TRDN: variants seen among roughly 807,000 people sequenced by gnomAD.
TRDN encodes triadin in skeletal muscle.
In TRDN, 161 loss-of-function variants were observed where a neutral mutation model predicts 149.7. The ratio of observed to expected loss-of-function variants is 1.08; its 90% CI spans 0.95 to 1.23. The LOEUF (loss-of-function observed/expected upper bound fraction) is 1.23, where lower values mean the gene tolerates loss of function less well. Among genes scored for constraint, TRDN ranks in the 50% most tolerant of loss-of-function variants. The pLI is 0.00. For synonymous variants in TRDN, 294 were observed against 250.5 expected, an observed-to-expected ratio of 1.17 and a Z score of -1.64; for missense variants, 896 against 823.5, an observed-to-expected ratio of 1.09 and a Z score of -1.08.
At chr6:123,469,751 G>A (rs552876333) in intron 9 of TRDN, 1 of 154,348 alleles carries the variant, frequency 6.5e-6, no homozygotes, top group Admixed American at 6.5e-5. Context: ...GCCAGAGCCA[G>A]AGGACAAGAG....
chr6:123,317,745 C>G (rs1322861394), intron 23 of TRDN, among the ~76,000 whole-genome samples: 1 of 151,862 alleles, frequency 6.6e-6, no homozygotes, highest in Non-Finnish European at 1.5e-5. Context: ...TTGTTTATTA[C>G]TCAAATATCA....
chr6:123,335,926 T>C (rs1562267038), intron 22 of TRDN, among the ~76,000 whole-genome samples: 1 of 152,028 alleles, frequency 6.6e-6, no homozygotes, highest in African/African-American at 2.4e-5. Context: ...TTTCACAAAA[T>C]CAAGGACGCT....
At chr6:123,579,772 A>G (rs1323444203) in intron 1 of TRDN, among the ~76,000 whole-genome samples, 1 of 152,076 alleles carries the variant, frequency 6.6e-6, no homozygotes, top group Non-Finnish European at 1.5e-5. Context: ...GACCAGGTGG[A>G]ATTAATTGAA....
At chr6:123,253,644 C>A (rs1034604316) in intron 37 of TRDN, among the ~76,000 whole-genome samples, 3 of 151,932 alleles carry the variant, frequency 2.0e-5, no homozygotes, top group Admixed American at 6.6e-5. Context: ...TAAGAATATG[C>A]CTGCTCTCAA....
At chr6:123,419,032 A>G (rs1401893590) in intron 12 of TRDN, among the ~76,000 whole-genome samples, 2 of 152,014 alleles carry the variant, frequency 1.3e-5, no homozygotes, top group African/African-American at 4.8e-5. Flanking sequence ...AGGTCTATCT[A>G]TGTGAACCTA....
intron 10 of TRDN, among the ~76,000 whole-genome samples, chr6:123,458,976 T>A (rs546658255): frequency 1.6e-4 from 24 of 152,168 alleles, no homozygotes; most frequent in Non-Finnish European, 2.8e-4. Context: ...AGAAAAAATA[T>A]AATATATTAA....
chr6:123,569,498 C>T (rs1782453196), intron 2 of TRDN, among the ~76,000 whole-genome samples: 1 of 152,132 alleles, frequency 6.6e-6, no homozygotes, highest in Non-Finnish European at 1.5e-5. Context: ...TAAGCTCTTG[C>T]ATTGCTATAA....
chr6:123,367,273 G>A (rs1781142681), intron 19 of TRDN, among the ~76,000 whole-genome samples: 1 of 152,034 alleles, frequency 6.6e-6, no homozygotes, highest in Non-Finnish European at 1.5e-5. Context: ...TATAACTTTT[G>A]ATTAGTTGAG....
intron 26 of TRDN, among the ~76,000 whole-genome samples, chr6:123,274,971 C>T (rs1163391627): frequency 6.6e-6 from 1 of 152,030 alleles, no homozygotes; most frequent in Non-Finnish European, 1.5e-5. Context: ...TGCTATAGCT[C>T]ATTCTTTTAA....
In TRDN at chr6:123,224,111, C is replaced by G. The variant is rs748450167; in HGVS notation, c.1996G>C (p.Ala666Pro). 1.9e-6 allele frequency: 3 copies of G among 1,610,040 alleles called. No individual in the cohort carries two copies. The highest frequency in any genetic ancestry group is 1.7e-4 in the Middle Eastern group (1 of 6,034). ...RVSKDVEDVP[A>P]SKKAKEGTED... is the part of the protein sequence containing the mutation. ...AACTCACCTTTAGCTTTCTTTGAAG[C>G]TGGTACATCTTCAACATCTTCTAGA... is the stretch of plus-strand genomic sequence containing the variant. The change falls in exon 39 of 41, where the codon GCT (alanine) becomes CCT (proline). Residue 666 changes from alanine to proline, a missense_variant. Ala to Pro is a conservative substitution (Grantham distance 27). Coordinates refer to ENST00000334268, the MANE Select transcript of TRDN (RefSeq NM_006073.4).
At chr6:123,506,837 T>C (rs1279823912) in intron 7 of TRDN, among the ~76,000 whole-genome samples, 1 of 152,162 alleles carries the variant, frequency 6.6e-6, no homozygotes, top group Non-Finnish European at 1.5e-5. Context: ...CCCATGAGCT[T>C]CCATTTTTCT....
At chr6:123,603,164 T>TGCTAGTTTCCTAGTGTA (rs1294587565) in intron 1 of TRDN, among the ~76,000 whole-genome samples, 1 of 151,786 alleles carries the variant, frequency 6.6e-6, no homozygotes, top group Non-Finnish European at 1.5e-5. Flanking sequence ...TTTTTCTGTG[T>TGCTAGTTTCCTAGTGTA]ACACATAATC....
At chr6:123,350,308 A>G (rs1780410936) in intron 21 of TRDN, 1 of 950,452 alleles carries the variant, frequency 1.1e-6, no homozygotes, top group Non-Finnish European at 1.3e-6. Flanking sequence ...CATAGTATTT[A>G]AGTCCAGAGA....
chr6:123,587,942 G>A (rs1188099902), intron 1 of TRDN, among the ~76,000 whole-genome samples: 1 of 152,228 alleles, frequency 6.6e-6, no homozygotes, highest in East Asian at 1.9e-4. Flanking sequence ...AGGAACTGTC[G>A]ATCTGGATGT....
intron 12 of TRDN, among the ~76,000 whole-genome samples, chr6:123,434,757 C>T (rs1256487823): frequency 6.6e-6 from 1 of 151,682 alleles, no homozygotes; most frequent in Non-Finnish European, 1.5e-5. Context: ...TGCAAAAATA[C>T]CAAGATGATT....
intron 9 of TRDN, among the ~76,000 whole-genome samples, chr6:123,481,142 A>T (rs1460526455): frequency 6.6e-6 from 1 of 152,120 alleles, no homozygotes; most frequent in Non-Finnish European, 1.5e-5. Context: ...ACGAAATTTA[A>T]AAGTAAACCA....
At chr6:123,545,273 T>C (rs1483440710) in intron 4 of TRDN, among the ~76,000 whole-genome samples, 1 of 151,876 alleles carries the variant, frequency 6.6e-6, no homozygotes, top group Non-Finnish European at 1.5e-5. Flanking sequence ...TAAACATGAG[T>C]AAAATAACTT....
chr6:123,516,857 A>G (rs1779434477), intron 5 of TRDN, among the ~76,000 whole-genome samples: 1 of 151,978 alleles, frequency 6.6e-6, no homozygotes, highest in Non-Finnish European at 1.5e-5. Flanking sequence ...GACTCATCCC[A>G]ATTTGTCTTT....
intron 9 of TRDN, among the ~76,000 whole-genome samples, chr6:123,493,068 T>C (rs1227262743): frequency 6.6e-6 from 1 of 152,136 alleles, no homozygotes; most frequent in East Asian, 1.9e-4. Context: ...ATGGAGAAAG[T>C]ATCTCTGGAG....
Sources: allele counts gnomAD v4.1 joint callset (sites outside exome capture counted in the v4.1 genomes callset), GRCh38; gene constraint gnomAD v4.1.1; transcripts MANE v1.5; gene names NCBI Gene and HGNC (gene_info 2026-07-23, HGNC 2026-07-21).